ASTN2: variants seen among roughly 807,000 people sequenced by gnomAD.
The protein encoded by ASTN2 is astrotactin 2.
A neutral mutation model predicts 139.8 loss-of-function variants in ASTN2; 54 were observed. That is an observed-to-expected ratio of 0.39 (90% CI 0.31 to 0.48). ASTN2 has a LOEUF of 0.48. Ranked by LOEUF, ASTN2 falls within the 20% of genes least tolerant of loss-of-function variation. The pLI is 0.95. For missense variants in ASTN2, 1,565 were observed against 1,725.1 expected (o/e 0.91, Z 1.64); for synonymous variants, 756 against 719.5 (o/e 1.05, Z -0.81).
At chr9:116,434,274 G>A (rs1847582723) in intron 22 of ASTN2, among the ~76,000 whole-genome samples, 1 of 152,158 alleles carries the variant, frequency 6.6e-6, no homozygotes, top group Non-Finnish European at 1.5e-5. Context: ...AAGGTTAAAA[G>A]TACCTCTGAG....
chr9:116,647,554 C>T (rs150042336), intron 17 of ASTN2, among the ~76,000 whole-genome samples: 135 of 152,296 alleles, frequency 8.9e-4, no homozygotes, highest in Admixed American at 3.8e-3. Flanking sequence ...GAATCTGGCT[C>T]CTGCACAAAC....
intron 19 of ASTN2, among the ~76,000 whole-genome samples, chr9:116,564,681 A>T (rs771577590): frequency 6.6e-6 from 1 of 152,174 alleles, no homozygotes; most frequent in Non-Finnish European, 1.5e-5. Context: ...TTGTGAAAGG[A>T]TTCGAGAGTT....
chr9:116,814,894 T>A (rs963011479), intron 12 of ASTN2, among the ~76,000 whole-genome samples: 1 of 152,214 alleles, frequency 6.6e-6, no homozygotes, highest in Admixed American at 6.5e-5. Context: ...TTCCATCAAT[T>A]GTCGGTGAGC....
chr9:116,689,701 A>G (rs1006598191), intron 16 of ASTN2, among the ~76,000 whole-genome samples: 1 of 152,156 alleles, frequency 6.6e-6, no homozygotes, highest in African/African-American at 2.4e-5. Flanking sequence ...TGACTATCAG[A>G]TTGAACTCTA....
intron 13 of ASTN2, among the ~76,000 whole-genome samples, chr9:116,739,068 T>C (rs1473702016): frequency 6.6e-6 from 1 of 152,064 alleles, no homozygotes; most frequent in African/African-American, 2.4e-5. Context: ...AATTTATCTA[T>C]AAAAACAGTT....
intron 10 of ASTN2, among the ~76,000 whole-genome samples, chr9:116,866,608 A>G (rs1833017579): frequency 6.6e-6 from 1 of 152,118 alleles, no homozygotes; most frequent in Non-Finnish European, 1.5e-5. Context: ...AGAGGAGGAG[A>G]TAAGGCAGAG....
intron 17 of ASTN2, among the ~76,000 whole-genome samples, chr9:116,633,587 A>G (rs1053994559): frequency 1.3e-5 from 2 of 152,216 alleles, no homozygotes; most frequent in African/African-American, 4.8e-5. Flanking sequence ...TTTGTCCAAG[A>G]CTGTGGAGTT....
intron 3 of ASTN2, among the ~76,000 whole-genome samples, chr9:117,205,123 G>T (rs958362320): frequency 6.6e-6 from 1 of 152,178 alleles, no homozygotes; most frequent in Non-Finnish European, 1.5e-5. Flanking sequence ...CAAACAAATG[G>T]GGGTAGTGAC....
chr9:116,568,163 C>T (rs1465370665), intron 19 of ASTN2, among the ~76,000 whole-genome samples: 1 of 152,122 alleles, frequency 6.6e-6, no homozygotes, highest in Non-Finnish European at 1.5e-5. Context: ...TCTCATTTCT[C>T]CTTCTCACCA....
At chr9:116,637,208 A>G (rs1316781456) in intron 17 of ASTN2, among the ~76,000 whole-genome samples, 1 of 152,248 alleles carries the variant, frequency 6.6e-6, no homozygotes, top group African/African-American at 2.4e-5. Context: ...TGTGATGACA[A>G]ACTGTTGAGG....
chr9:116,931,971 T>C (rs1024342901), intron 10 of ASTN2, among the ~76,000 whole-genome samples: 2 of 152,062 alleles, frequency 1.3e-5, no homozygotes, highest in Non-Finnish European at 2.9e-5. Context: ...GCTTGGATAG[T>C]TGCAGGGTCA....
intron 4 of ASTN2, among the ~76,000 whole-genome samples, chr9:117,129,943 T>C (rs1292525352): frequency 6.6e-6 from 1 of 152,198 alleles, no homozygotes; most frequent in African/African-American, 2.4e-5. Context: ...TTTCCCTCTG[T>C]CAAACTTTGT....
intron 16 of ASTN2, among the ~76,000 whole-genome samples, chr9:116,721,611 C>A (rs983004231): frequency 7.9e-5 from 12 of 152,172 alleles, no homozygotes; most frequent in African/African-American, 2.7e-4. Context: ...TAAACAGCTT[C>A]CATGCTAATC....
At chr9:117,353,216 T>C (rs960466635) in intron 1 of ASTN2, among the ~76,000 whole-genome samples, 3 of 152,136 alleles carry the variant, frequency 2.0e-5, no homozygotes, top group African/African-American at 7.2e-5. Flanking sequence ...ACAGCACTAA[T>C]AAATGTTTCA....
At position 117,013,287 on chromosome 9, in the gene ASTN2, T is replaced by C. The variant is rs972507697; in HGVS notation, c.1424-5028A>G. The stretch of plus-strand genomic sequence containing the variant: ...CACTATTCCATGTGTCTCATGTTTT[T>C]CTAGTTTTTCTTTGGACCCTTGTTT... On this transcript the variant is annotated intron_variant, in intron 6 of 22. Transcript: ENST00000313400. 3.3e-5 allele frequency among the ~76,000 whole-genome samples: 5 copies of C among 152,198 alleles called. No individual in the cohort carries two copies. The South Asian group carries it at 1.0e-3, about 32-fold the overall frequency.
At chr9:116,724,411 C>T (rs7861945) in intron 16 of ASTN2, among the ~76,000 whole-genome samples, 53,625 of 151,904 alleles carry the variant, frequency 0.35, 10,536 homozygotes, top group African/African-American at 0.52. Flanking sequence ...GCTGAGAGCA[C>T]GACTGGGGAT....
At chr9:116,834,230 T>C (rs1831915275) in intron 11 of ASTN2, among the ~76,000 whole-genome samples, 1 of 152,236 alleles carries the variant, frequency 6.6e-6, no homozygotes, top group Admixed American at 6.5e-5. Context: ...TGTCTTGATA[T>C]GTGTCCTGTA....
chr9:116,790,576 G>A (rs1830501081), intron 13 of ASTN2, among the ~76,000 whole-genome samples: 1 of 152,086 alleles, frequency 6.6e-6, no homozygotes, highest in Admixed American at 6.6e-5. Context: ...ACTTCTTCCA[G>A]GGAGTCTTCG....
In ASTN2 at chr9:116,602,522, T is replaced by G. The variant is rs558037697; in HGVS notation, c.3355+15802A>C. Among the ~76,000 whole-genome samples, 4 of 152,250 alleles carry G rather than the reference T, an allele frequency of 2.6e-5. No homozygotes were observed. In the South Asian group the frequency reaches 8.3e-4, roughly 32 times the overall value. On this transcript the variant is annotated intron_variant, in intron 19 of 22. Coordinates refer to ENST00000313400, the MANE Select transcript of ASTN2 (RefSeq NM_001365068.1). The stretch of plus-strand genomic sequence containing the variant: ...AAAGGAGGACATCTCCTATATTATA[T>G]CAGGAGGAAATGGGGAGAGTATGCA...
Sources: gnomAD v4.1 joint callset for allele counts (sites outside exome capture counted in the v4.1 genomes callset) on GRCh38, gnomAD v4.1.1 for gene constraint, MANE v1.5 for transcripts, NCBI Gene and HGNC (gene_info 2026-07-23, HGNC 2026-07-21) for gene names.